Variants in SNX13 observed in about 807,000 individuals in gnomAD.
SNX13 encodes sorting nexin-13.
Under a neutral mutation model 133.6 loss-of-function variants are expected in SNX13, and 45 were observed. That is an observed-to-expected ratio of 0.34 (90% CI 0.27 to 0.43). The LOEUF is 0.43. Among genes scored for constraint, SNX13 ranks in the 20% least tolerant of loss-of-function variants. The probability of loss-of-function intolerance (pLI) is 1.00; values close to 1 mark genes in which losing one functional copy is unlikely to be tolerated. For missense variants in SNX13, 1,032 were observed against 1,145.1 expected (o/e 0.90, Z 1.43); for synonymous variants, 414 against 373.9 (o/e 1.11, Z -1.24).
intron 9 of SNX13, among the ~76,000 whole-genome samples, chr7:17,860,627 A>T (rs1267612931): frequency 6.6e-6 from 1 of 152,140 alleles, no homozygotes; most frequent in Non-Finnish European, 1.5e-5. Context: ...TTTTGAGTTA[A>T]TTTTTACATG....
intron 1 of SNX13, among the ~76,000 whole-genome samples, chr7:17,920,702 G>C (rs1023329074): frequency 6.6e-6 from 1 of 151,882 alleles, no homozygotes; most frequent in Non-Finnish European, 1.5e-5. Flanking sequence ...TAAGTAAGAG[G>C]GTTCTTTGTG....
At chr7:17,862,658 A>C (rs1343219483) in intron 9 of SNX13, among the ~76,000 whole-genome samples, 1 of 152,222 alleles carries the variant, frequency 6.6e-6, no homozygotes, top group Admixed American at 6.5e-5. Flanking sequence ...ATAGTATTCA[A>C]TTGTATCAAT....
At chr7:17,881,878 T>C (rs1227622142) in intron 5 of SNX13, 3 of 152,156 alleles carry the variant, frequency 2.0e-5, no homozygotes, top group Non-Finnish European at 2.9e-5. Flanking sequence ...TCATTTTGAA[T>C]CCACTAAATC....
intron 5 of SNX13, chr7:17,881,914 T>C (rs1400537610): frequency 1.3e-5 from 2 of 152,188 alleles, no homozygotes; most frequent in Non-Finnish European, 2.9e-5. Context: ...AATTCAGTCA[T>C]AAATACTACA....
chr7:17,821,716 G>A (rs1478696853), intron 17 of SNX13, 68 bp from the exon 18 acceptor site: 17 of 1,493,778 alleles, frequency 1.1e-5, no homozygotes, highest in Middle Eastern at 1.8e-4. Flanking sequence ...AGGAACGAAA[G>A]ACACAAAAAA....
chr7:17,882,548 C>T (rs1386945832), intron 5 of SNX13: 3 of 152,392 alleles, frequency 2.0e-5, no homozygotes, highest in African/African-American at 7.2e-5. Context: ...AAGACCCCTA[C>T]TAATAAAACA....
At chr7:17,814,486 T>A (rs530441777) in intron 20 of SNX13, among the ~76,000 whole-genome samples, 14 of 152,240 alleles carry the variant, frequency 9.2e-5, no homozygotes, top group African/African-American at 3.4e-4. Context: ...CATATCCTGC[T>A]TAATATTTTT....
At chr7:17,929,413 T>C (rs1288715344) in intron 1 of SNX13, among the ~76,000 whole-genome samples, 1 of 152,152 alleles carries the variant, frequency 6.6e-6, no homozygotes, top group Non-Finnish European at 1.5e-5. Context: ...ATATGCTTAA[T>C]ATCTACAATT....
Position 17,803,555 on chromosome 7 carries a change from C to A in SNX13, c.2090G>T (p.Arg697Leu), listed in dbSNP as rs780884663. 1.9e-6 allele frequency: 3 copies of A among 1,607,942 alleles called. No individual in the cohort carries two copies. Among genetic ancestry groups the A allele is most frequent in the Non-Finnish European group, 1.7e-6 (2 of 1,177,206 alleles). ...ATTTGAAACATTCCTCATTGAATTG[C>A]GAAGTGGATTTACAAAAGTGTCCAT... ...RKMDTFVNPL[R>L]NSMRNVSNAV... The change falls in exon 21 of 26, where the codon CGC becomes CTC. Residue 697 changes from arginine (R) to leucine (L), a missense_variant. Arg to Leu is a moderately radical substitution (Grantham distance 102). Transcript: ENST00000428135.
intron 15 of SNX13, chr7:17,830,537 G>T: frequency 1.0e-6 from 1 of 983,832 alleles, no homozygotes; most frequent in Non-Finnish European, 1.2e-6. Context: ...CTTGGTGGTA[G>T]ATTATCTTGA....
chr7:17,892,190 C>T (rs1307190519), intron 3 of SNX13, among the ~76,000 whole-genome samples: 1 of 151,736 alleles, frequency 6.6e-6, no homozygotes, highest in East Asian at 1.9e-4. Context: ...AACATAGATA[C>T]AGATATAGAC....
At chr7:17,887,710 T>G (rs978555104) in intron 5 of SNX13, among the ~76,000 whole-genome samples, 1 of 152,198 alleles carries the variant, frequency 6.6e-6, no homozygotes, top group Non-Finnish European at 1.5e-5. Flanking sequence ...TCTTTCAAAA[T>G]TAAGCACTTC....
rs748585805 is a variant in SNX13, at chr7:17,875,584, A to T, written c.563-3T>A. The T allele has an allele frequency of 6.2e-7, 1 of 1,609,650 alleles. No homozygotes were observed. Among genetic ancestry groups the T allele is most frequent in the Non-Finnish European group, 8.5e-7 (1 of 1,179,010 alleles). ...ATCTACAAGATCTTCTGCTGTACCT[A>T]AAGAAAAACAATTCAAGATATATAA... On this transcript the variant is annotated splice_region_variant and splice_polypyrimidine_tract_variant and intron_variant, in intron 6 of 25. Coordinates refer to ENST00000428135, the MANE Select transcript of SNX13 (RefSeq NM_015132.5).
chr7:17,858,256 T>C (rs1297646822), intron 9 of SNX13, among the ~76,000 whole-genome samples: 1 of 152,100 alleles, frequency 6.6e-6, no homozygotes, highest in Non-Finnish European at 1.5e-5. Flanking sequence ...GCAGACCACA[T>C]GAACACCATT....
intron 12 of SNX13, among the ~76,000 whole-genome samples, chr7:17,841,470 A>G (rs1447210721): frequency 1.3e-5 from 2 of 151,948 alleles, no homozygotes; most frequent in Non-Finnish European, 2.9e-5. Flanking sequence ...AACAGTAACA[A>G]CAATAAAGAA....
At chr7:17,802,004 G>C (rs890551756) in intron 21 of SNX13, among the ~76,000 whole-genome samples, 11 of 152,044 alleles carry the variant, frequency 7.2e-5, no homozygotes, top group Admixed American at 2.6e-4. Context: ...CAATACCACA[G>C]TGGTCCCATA....
chr7:17,880,426 T>C (rs1795206606), intron 5 of SNX13: 1 of 152,228 alleles, frequency 6.6e-6, no homozygotes, highest in Non-Finnish European at 1.5e-5. Context: ...ATAAAAAGTG[T>C]AACTGGGATA....
intron 1 of SNX13, among the ~76,000 whole-genome samples, chr7:17,900,778 C>G (rs561410719): frequency 2.0e-4 from 31 of 152,224 alleles, no homozygotes; most frequent in African/African-American, 7.5e-4. Flanking sequence ...TCAGGGACCC[C>G]AAGAGCCCAC....
chr7:17,824,144 G>A (rs1433767791), intron 17 of SNX13, among the ~76,000 whole-genome samples: 1 of 151,824 alleles, frequency 6.6e-6, no homozygotes, highest in Non-Finnish European at 1.5e-5. Flanking sequence ...CATAGCAGGC[G>A]ATCTGCAAAC....
Sources: allele counts gnomAD v4.1 joint callset (sites outside exome capture counted in the v4.1 genomes callset), GRCh38; gene constraint gnomAD v4.1.1; transcripts MANE v1.5; gene names NCBI Gene and HGNC (gene_info 2026-07-23, HGNC 2026-07-21).